The following TBCK variants were observed in gnomAD, a reference collection of about 807,000 sequenced individuals.
TBCK encodes TBC domain-containing protein kinase-like protein.
TBCK carries 99 observed loss-of-function variants against 113.4 expected under a neutral mutation model. The ratio of observed to expected loss-of-function variants is 0.87; its 90% CI spans 0.74 to 1.03. The LOEUF (loss-of-function observed/expected upper bound fraction) is 1.03. Among genes scored for constraint, TBCK ranks in the 50% least tolerant of loss-of-function variants. The pLI is 0.00. For missense variants in TBCK, 1,045 were observed against 1,061.3 expected (o/e 0.98, Z 0.21); for synonymous variants, 369 against 370.8 (o/e 1.00, Z 0.05).
intron 5 of TBCK, among the ~76,000 whole-genome samples, chr4:106,257,111 AG>A (rs1762075263): frequency 6.6e-6 from 1 of 152,218 alleles, no homozygotes; most frequent in African/African-American, 2.4e-5. Context: ...AGAAGCAGGT[AG>A]TAAATAAGAA....
Position 106,231,865 on chromosome 4 carries a change from T to G in TBCK, c.1640-86A>C. On this transcript the variant is annotated intron_variant, in intron 17 of 25. Coordinates refer to ENST00000394708, the MANE Select transcript of TBCK (RefSeq NM_001163435.3). ...ATATACCTTATTCAATTCTTTGCAT[T>G]ACCTCCAAGTAGATTAAACATTAGA... The G allele has an allele frequency of 3.5e-6, 4 of 1,142,646 alleles. No homozygotes were observed. In the Admixed American group the frequency reaches 6.8e-5, roughly 19 times the overall value. 70.8% of individuals were successfully genotyped at this position (1,142,646 alleles called of 1,614,324 possible). A position where few individuals can be genotyped will look rare whatever the true frequency, so the allele number is the denominator to read the frequency against.
chr4:106,121,843 C>A (rs1318680237), intron 23 of TBCK, among the ~76,000 whole-genome samples: 2 of 151,924 alleles, frequency 1.3e-5, no homozygotes, highest in Non-Finnish European at 2.9e-5. Flanking sequence ...AAAGACACAA[C>A]ATACCAGAAT....
At chr4:106,187,662 C>T (rs1407537375) in intron 22 of TBCK, among the ~76,000 whole-genome samples, 1 of 152,186 alleles carries the variant, frequency 6.6e-6, no homozygotes, top group Admixed American at 6.5e-5. Context: ...GATCTGCCCA[C>T]TTCAGCCTCC....
At chr4:106,286,553 G>A (rs764868943) in intron 3 of TBCK, among the ~76,000 whole-genome samples, 3 of 152,154 alleles carry the variant, frequency 2.0e-5, no homozygotes, top group Non-Finnish European at 4.4e-5. Flanking sequence ...GGGGGATGGT[G>A]GCTCATGCCT....
intron 11 of TBCK, among the ~76,000 whole-genome samples, chr4:106,243,280 C>A (rs1760379437): frequency 6.6e-6 from 1 of 151,976 alleles, no homozygotes; most frequent in African/African-American, 2.4e-5. Context: ...ACAGTACTCT[C>A]CTGACATTAA....
intron 24 of TBCK, among the ~76,000 whole-genome samples, chr4:106,096,342 A>G (rs537019291): frequency 1.3e-5 from 2 of 152,316 alleles, no homozygotes; most frequent in East Asian, 1.9e-4. Context: ...ATCTACTTAA[A>G]ATGAAAATTT....
intron 3 of TBCK, among the ~76,000 whole-genome samples, chr4:106,289,024 C>A (rs975313689): frequency 6.6e-6 from 1 of 152,148 alleles, no homozygotes; most frequent in Non-Finnish European, 1.5e-5. Flanking sequence ...AAAACAAATC[C>A]CAAATCCGAA....
chr4:106,146,880 ACTCCT>A (rs1437064819), intron 23 of TBCK, among the ~76,000 whole-genome samples: 1 of 152,020 alleles, frequency 6.6e-6, no homozygotes, highest in Non-Finnish European at 1.5e-5. Flanking sequence ...CTCCATATTC[ACTCCT>A]CTCAAACCTT....
chr4:106,096,925 T>C (rs1009238107), intron 24 of TBCK, among the ~76,000 whole-genome samples: 1 of 152,186 alleles, frequency 6.6e-6, no homozygotes, highest in Non-Finnish European at 1.5e-5. Context: ...GTTTAATAGA[T>C]ACATTCAGTG....
intron 23 of TBCK, among the ~76,000 whole-genome samples, chr4:106,120,664 C>T (rs997782085): frequency 3.3e-5 from 5 of 152,186 alleles, no homozygotes; most frequent in African/African-American, 1.2e-4. Context: ...GACCCCTGAC[C>T]CCCGAGCAGC....
chr4:106,164,543 CAATA>C lies in TBCK; in HGVS notation c.2235+6548_2235+6551del, dbSNP rs1750151229. Reference sequence around the variant, plus strand: ...ATGATATATATTAATATATATGTTTCAATAAATAAGAGTGAAAAACACATTTACA... The same window carrying C: ...ATGATATATATTAATATATATGTTTCAATAAGAGTGAAAAACACATTTACA... On this transcript the variant is annotated intron_variant, in intron 23 of 25. Transcript: ENST00000394708. 13 of 151,758 alleles carry C rather than the reference CAATA, an allele frequency of 8.6e-5. No homozygotes were observed. The South Asian group carries it at 2.7e-3, about 31-fold the overall frequency. The allele number at this position is 151,758 out of a possible 1,614,324, so 9.4% of individuals were successfully genotyped here. A position where few individuals can be genotyped will look rare whatever the true frequency, so the allele number is the denominator to read the frequency against.
intron 19 of TBCK, among the ~76,000 whole-genome samples, chr4:106,217,117 C>G (rs1757041909): frequency 6.6e-6 from 1 of 151,400 alleles, no homozygotes; most frequent in African/African-American, 2.4e-5. Flanking sequence ...AGACAAAAAC[C>G]ACATGATTAT....
chr4:106,316,399 G>A (rs1218612206), upstream of TBCK: 23 of 729,244 alleles, frequency 3.2e-5, no homozygotes, highest in Non-Finnish European at 5.2e-5. Context: ...AATGGAAGAC[G>A]AGGAGCGTGG....
chr4:106,145,996 A>T (rs534512448), intron 23 of TBCK, among the ~76,000 whole-genome samples: 159 of 152,276 alleles, frequency 1.0e-3, no homozygotes, highest in Middle Eastern at 3.4e-3. Flanking sequence ...TGATTCCTCA[A>T]AGAGCTAAAA....
In TBCK at chr4:106,044,353, G is replaced by C. The variant is rs1578734187; in HGVS notation, c.*2217C>G. 1 of 152,152 alleles carries C rather than the reference G, an allele frequency of 6.6e-6. No homozygotes were observed. The highest frequency in any genetic ancestry group is 2.4e-5 in the African/African-American group (1 of 41,440). 9.4% of individuals were successfully genotyped at this position (152,152 alleles called of 1,614,324 possible). The stretch of plus-strand genomic sequence containing the variant: ...GGAGGATTTAATATTTCTCTGAAGA[G>C]GGTAGACAATGGCCCAAAAACAATG... On this transcript the variant is annotated 3_prime_UTR_variant, in exon 26 of 26. Coordinates refer to ENST00000394708, the MANE Select transcript of TBCK (RefSeq NM_001163435.3).
chr4:106,186,806 T>C (rs1753074513), intron 22 of TBCK, among the ~76,000 whole-genome samples: 1 of 152,150 alleles, frequency 6.6e-6, no homozygotes, highest in African/African-American at 2.4e-5. Flanking sequence ...TCATAAATAC[T>C]TTCCCAAGGC....
intron 23 of TBCK, among the ~76,000 whole-genome samples, chr4:106,124,104 T>C (rs1169234685): frequency 2.0e-5 from 3 of 151,662 alleles, no homozygotes; most frequent in Non-Finnish European, 3.0e-5. Flanking sequence ...CCTACTCATC[T>C]GACAAAGGGC....
At chr4:106,285,245 A>G (rs989852273) in intron 3 of TBCK, among the ~76,000 whole-genome samples, 3 of 152,122 alleles carry the variant, frequency 2.0e-5, no homozygotes, top group African/African-American at 7.2e-5. Context: ...ACATTAGTCT[A>G]TAAAATACTA....
At chr4:106,114,611 C>T (rs73836989) in intron 24 of TBCK, among the ~76,000 whole-genome samples, 7 of 152,134 alleles carry the variant, frequency 4.6e-5, no homozygotes, top group Non-Finnish European at 1.0e-4. Context: ...TGGATACCTG[C>T]GTCTGACTGC....
Sources: gnomAD v4.1 joint callset for allele counts (sites outside exome capture counted in the v4.1 genomes callset) on GRCh38, gnomAD v4.1.1 for gene constraint, MANE v1.5 for transcripts, NCBI Gene and HGNC (gene_info 2026-07-23, HGNC 2026-07-21) for gene names.